Variants in ARL15 observed in about 807,000 individuals in gnomAD.
The protein encoded by ARL15 is ARF like GTPase 15.
Under a neutral mutation model 25.2 loss-of-function variants are expected in ARL15, and 19 were observed. The observed-to-expected ratio is 0.75, with a 90% CI of 0.53 to 1.10. The LOEUF (loss-of-function observed/expected upper bound fraction) is 1.10, where lower values mean the gene tolerates loss of function less well. Ranked by LOEUF, ARL15 falls within the 50% of genes least tolerant of loss-of-function variation. The pLI, the probability that ARL15 is intolerant of heterozygous loss-of-function variation, is 0.00. For synonymous variants in ARL15, 94 were observed against 86.8 expected (o/e 1.08, Z -0.46); for missense variants, 220 against 246.0 (o/e 0.89, Z 0.71).
intron 1 of ARL15, among the ~76,000 whole-genome samples, chr5:54,310,131 C>T (rs1295019534): frequency 6.6e-6 from 1 of 152,176 alleles, no homozygotes; most frequent in Non-Finnish European, 1.5e-5. Flanking sequence ...GCCAGGAAGC[C>T]GATCGCGGGC....
intron 4 of ARL15, among the ~76,000 whole-genome samples, chr5:54,087,091 C>T (rs1751983333): frequency 6.6e-6 from 1 of 152,078 alleles, no homozygotes; most frequent in Non-Finnish European, 1.5e-5. Context: ...AATCGCAGCA[C>T]TTTGAGAGGT....
intron 1 of ARL15, among the ~76,000 whole-genome samples, chr5:54,247,165 A>C (rs1310029099): frequency 6.6e-6 from 1 of 152,088 alleles, no homozygotes; most frequent in African/African-American, 2.4e-5. Flanking sequence ...CTGGATAGTC[A>C]TGAAGATGAA....
At chr5:54,224,151 C>A (rs1023801592) in intron 1 of ARL15, among the ~76,000 whole-genome samples, 1 of 152,108 alleles carries the variant, frequency 6.6e-6, no homozygotes, top group African/African-American at 2.4e-5. Flanking sequence ...AAGGCAATCA[C>A]AAGGAGGCCG....
At position 54,258,199 on chromosome 5, in the gene ARL15, G is replaced by A. The variant is rs186075667; in HGVS notation, c.48+52233C>T. ...AAAAAAAAAAATTTATGAGTGAGGC[G>A]TGGTGGTGTATGCCTGAAGTCCAAG... On this transcript the variant is annotated intron_variant, in intron 1 of 4. Coordinates refer to ENST00000504924, the MANE Select transcript of ARL15 (RefSeq NM_019087.3). Among the ~76,000 whole-genome samples the A allele has an allele frequency of 3.5e-3, 539 of 151,862 alleles. 4 individuals carry two copies. The highest frequency in any genetic ancestry group is 0.01 in the South Asian group (50 of 4,792).
At chr5:53,888,425 T>C (rs1225723227) in intron 4 of ARL15, among the ~76,000 whole-genome samples, 1 of 151,924 alleles carries the variant, frequency 6.6e-6, no homozygotes, top group Non-Finnish European at 1.5e-5. Flanking sequence ...GGACCATAGG[T>C]GCACGCCACA....
At chr5:54,215,620 G>A (rs762296025) in intron 1 of ARL15, among the ~76,000 whole-genome samples, 3 of 136,548 alleles carry the variant, frequency 2.2e-5, no homozygotes, top group East Asian at 1.9e-4. Context: ...GTGCGCGAAG[G>A]GGGGAGGGGG....
At chr5:54,297,280 G>A (rs1362951356) in intron 1 of ARL15, among the ~76,000 whole-genome samples, 2 of 152,230 alleles carry the variant, frequency 1.3e-5, no homozygotes, top group African/African-American at 2.4e-5. Flanking sequence ...AGGGGTCCCT[G>A]GGATTGAGTC....
chr5:54,107,479 G>A (rs1752624890), intron 4 of ARL15, among the ~76,000 whole-genome samples: 1 of 152,072 alleles, frequency 6.6e-6, no homozygotes, highest in Non-Finnish European at 1.5e-5. Context: ...TAAAATATGG[G>A]TATCATGAAA....
intron 4 of ARL15, among the ~76,000 whole-genome samples, chr5:54,008,792 GTCT>G (rs1384810173): frequency 1.3e-5 from 2 of 152,222 alleles, no homozygotes; most frequent in Non-Finnish European, 2.9e-5. Flanking sequence ...TAATATTTGA[GTCT>G]TCTTTCCTCT....
intron 4 of ARL15, among the ~76,000 whole-genome samples, chr5:53,948,516 A>G (rs1308820811): frequency 6.6e-6 from 1 of 152,196 alleles, no homozygotes; most frequent in Non-Finnish European, 1.5e-5. Flanking sequence ...ATTCTTATTC[A>G]CTGAACAGAA....
chr5:53,977,250 G>C (rs989404202), intron 4 of ARL15, among the ~76,000 whole-genome samples: 1 of 151,656 alleles, frequency 6.6e-6, no homozygotes, highest in Non-Finnish European at 1.5e-5. Context: ...CCAGCTACTC[G>C]GAGGCTGAGG....
chr5:53,920,112 T>A (rs547370883), intron 4 of ARL15, among the ~76,000 whole-genome samples: 4 of 152,164 alleles, frequency 2.6e-5, no homozygotes, highest in East Asian at 3.9e-4. Flanking sequence ...AATAACTTTT[T>A]AAAAAAAATG....
intron 1 of ARL15, among the ~76,000 whole-genome samples, chr5:54,223,932 C>G (rs565264835): frequency 2.0e-5 from 3 of 152,152 alleles, no homozygotes; most frequent in Non-Finnish European, 4.4e-5. Flanking sequence ...GGCACTTGAG[C>G]AGCACCTTGA....
chr5:54,038,816 C>T (rs1750247738), intron 4 of ARL15, among the ~76,000 whole-genome samples: 1 of 151,980 alleles, frequency 6.6e-6, no homozygotes, highest in South Asian at 2.1e-4. Flanking sequence ...TCATCATTGC[C>T]ATATATTCAT....
intron 4 of ARL15, among the ~76,000 whole-genome samples, chr5:54,080,716 G>A (rs919331100): frequency 2.6e-5 from 4 of 152,154 alleles, no homozygotes; most frequent in African/African-American, 9.7e-5. Context: ...ACCCTGAGAT[G>A]TCTATTCATC....
chr5:54,243,930 G>A (rs1757021995), intron 1 of ARL15, among the ~76,000 whole-genome samples: 1 of 152,176 alleles, frequency 6.6e-6, no homozygotes, highest in Non-Finnish European at 1.5e-5. Context: ...CTCTAAAGAA[G>A]CTCAAAGTTA....
At chr5:54,029,759 T>C (rs1749915247) in intron 4 of ARL15, among the ~76,000 whole-genome samples, 1 of 152,060 alleles carries the variant, frequency 6.6e-6, no homozygotes, top group Non-Finnish European at 1.5e-5. Context: ...TTCGGGAGGC[T>C]GAGGCGGGCA....
intron 4 of ARL15, among the ~76,000 whole-genome samples, chr5:54,049,736 G>GTTCTGATT (rs1232371293): frequency 4.6e-5 from 7 of 151,704 alleles, no homozygotes; most frequent in Non-Finnish European, 8.8e-5. Context: ...CTCACTAATT[G>GTTCTGATT]TTCTGATTTT....
chr5:54,077,824 TA>T (rs1272331896), intron 4 of ARL15, among the ~76,000 whole-genome samples: 1 of 152,214 alleles, frequency 6.6e-6, no homozygotes, highest in Non-Finnish European at 1.5e-5. Flanking sequence ...AAGGCAGCTC[TA>T]ACATGACCTG....
Sources: gnomAD v4.1 joint callset for allele counts (sites outside exome capture counted in the v4.1 genomes callset) on GRCh38, gnomAD v4.1.1 for gene constraint, MANE v1.5 for transcripts, NCBI Gene and HGNC (gene_info 2026-07-23, HGNC 2026-07-21) for gene names.